The following CSF2RB variants were observed in gnomAD, a reference collection of about 807,000 sequenced individuals.
CSF2RB encodes cytokine receptor common subunit beta.
In CSF2RB, 22 loss-of-function variants were observed where a neutral mutation model predicts 67.2. The ratio of observed to expected loss-of-function variants is 0.33; its 90% CI spans 0.23 to 0.47. The LOEUF is 0.47. Ranked by LOEUF, CSF2RB falls within the 20% of genes least tolerant of loss-of-function variation. The pLI is 1.00. For synonymous variants in CSF2RB, 507 were observed against 482.9 expected, an observed-to-expected ratio of 1.05 and a Z score of -0.65; for missense variants, 1,113 against 1,174.5, an observed-to-expected ratio of 0.95 and a Z score of 0.76.
Position 36,935,734 on chromosome 22 carries a change from C to CTGT in CSF2RB, c.1464+47_1464+48insTGT, listed in dbSNP as rs1941253476. ...CGGAGTGGGGGCTTCTCTGTTCCTG[C>CTGT]CTCTCTTGTCTCTGTCCCCACCTCC... On this transcript the variant is annotated intron_variant, in intron 12 of 13. Coordinates refer to ENST00000403662, the MANE Select transcript of CSF2RB (RefSeq NM_000395.3). 2.5e-6 allele frequency: 4 copies of CTGT among 1,578,850 alleles called. No homozygotes were observed. In the African/African-American group the frequency reaches 5.4e-5, roughly 21 times the overall value.
chr22:36,916,610 C>A (rs6000483), intron 1 of CSF2RB, among the ~76,000 whole-genome samples: 3,574 of 152,204 alleles, frequency 0.023, 151 homozygotes, highest in African/African-American at 0.083. Flanking sequence ...ATAATCCCAG[C>A]ACTTTGGGAG....
Position 36,937,765 on chromosome 22 carries a change from G to C in CSF2RB, c.1957G>C (p.Glu653Gln). ...GGCGATGGGACCAGGACAGGCCGTG[G>C]AAGTGGAGAGAAGGCCGAGCCAGGG... The part of the protein sequence containing the change: ...AQAMGPGQAV[E>Q]VERRPSQGAA... The change falls in exon 14 of 14, where the codon GAA (glutamate) becomes CAA (glutamine). Residue 653 changes from glutamate to glutamine, a missense_variant. This residue lies in a region of CSF2RB where 554 missense variants were observed against 517.9 expected (regional missense o/e 1.07). Coordinates refer to ENST00000403662, the MANE Select transcript of CSF2RB (RefSeq NM_000395.3). This position sits in a 1 kb window ranked among gnomAD's most constrained non-coding sequence, Gnocchi z 4.6. The C allele has an allele frequency of 6.3e-7, 1 of 1,576,306 alleles. No individual in the cohort carries two copies. The highest frequency in any genetic ancestry group is 8.6e-7 in the Non-Finnish European group (1 of 1,160,830).
intron 1 of CSF2RB, among the ~76,000 whole-genome samples, chr22:36,915,178 G>A (rs1398672574): frequency 6.6e-6 from 1 of 152,024 alleles, no homozygotes; most frequent in Non-Finnish European, 1.5e-5. Context: ...TCTGCCTCCC[G>A]GGTTCAGGTG....
chr22:36,925,588 G>A (rs978356627), intron 3 of CSF2RB, among the ~76,000 whole-genome samples: 6 of 152,124 alleles, frequency 3.9e-5, no homozygotes, highest in African/African-American at 1.4e-4. Context: ...GCCTGTCCCA[G>A]GGCCTTTGCA....
At chr22:36,934,493 C>A (rs190525120) in intron 10 of CSF2RB, among the ~76,000 whole-genome samples, 2 of 152,342 alleles carry the variant, frequency 1.3e-5, no homozygotes, top group African/African-American at 2.4e-5. Context: ...TAATATGGCC[C>A]TTGGTTTCTT....
intron 4 of CSF2RB, among the ~76,000 whole-genome samples, chr22:36,928,009 G>A (rs1941061844): frequency 6.6e-6 from 1 of 152,202 alleles, no homozygotes; most frequent in South Asian, 2.1e-4. Flanking sequence ...AAACAAGGAA[G>A]GTTTCTAAGG....
chr22:36,939,015 C>T lies in CSF2RB; in HGVS notation c.*513C>T. 1.6e-6 allele frequency: 1 copy of T among 629,980 alleles called. No homozygotes were observed. Among genetic ancestry groups the T allele is most frequent in the Middle Eastern group, 3.8e-4 (1 of 2,624 alleles). The allele number at this position is 629,980 out of a possible 1,614,324, so 39.0% of individuals were successfully genotyped here. On this transcript the variant is annotated 3_prime_UTR_variant, in exon 14 of 14. Coordinates refer to ENST00000403662, the MANE Select transcript of CSF2RB (RefSeq NM_000395.3). ...GCAGAGGTGGGAGGCACCAGGTGGGCACCCGTGGGGGTTAGGGCTTGGAAG... is the reference window on the plus strand; with the variant it reads ...GCAGAGGTGGGAGGCACCAGGTGGGTACCCGTGGGGGTTAGGGCTTGGAAG...
rs752717504 is a variant in CSF2RB, at chr22:36,932,865, A to G, written c.1113A>G (p.Thr371=). Residue 371 remains threonine (T), a synonymous_variant, in exon 9 of 14, where the codon ACA becomes ACG. Coordinates refer to ENST00000403662, the MANE Select transcript of CSF2RB (RefSeq NM_000395.3). ...TGCGATACGAACACATAGACCACAC[A>G]TTTGAGATCCAGTACAGGAAAGACA... ...MKMRYEHIDH[T]FEIQYRKDTA... is the part of the protein sequence containing the mutation. The G allele has an allele frequency of 6.2e-7, 1 of 1,614,172 alleles. No homozygotes were observed. The highest frequency in any genetic ancestry group is 1.7e-5 in the Admixed American group (1 of 60,028).
intron 4 of CSF2RB, among the ~76,000 whole-genome samples, chr22:36,928,712 T>G (rs886946642): frequency 2.1e-4 from 32 of 152,188 alleles, no homozygotes; most frequent in African/African-American, 7.5e-4. Flanking sequence ...GCGTATTTGT[T>G]CATTCATTCA....
rs1396965250 is a variant in CSF2RB at position 36,930,453 on chromosome 22, A to C, written c.797A>C (p.Lys266Thr). The change falls in exon 7 of 14, where the codon AAG becomes ACG. Residue 266 changes from lysine (K) to threonine (T), a missense_variant. This residue lies in a region of CSF2RB where 559 missense variants were observed against 656.5 expected (regional missense o/e 0.85). Transcript: ENST00000403662. ...AVLSCSWEVR[K>T]EVASSVSFGL... is the part of the protein sequence containing the mutation. ...CTCAGCTGCTCCTGGGAGGTGAGGA[A>C]GGAGGTGGCCAGCTCGGTCTCCTTT... is the stretch of plus-strand genomic sequence containing the variant. 2 of 1,613,758 alleles carry C rather than the reference A, an allele frequency of 1.2e-6. No homozygotes were observed. Among genetic ancestry groups the C allele is most frequent in the Non-Finnish European group, 1.7e-6 (2 of 1,180,014 alleles).
intron 10 of CSF2RB, 98 bp from the exon 11 acceptor site, chr22:36,935,253 C>T (rs574087639): frequency 6.5e-5 from 70 of 1,075,128 alleles, no homozygotes; most frequent in African/African-American, 5.8e-4. Context: ...CTGCACAGAG[C>T]GGGGTCTTAA....
chr22:36,934,334 C>G (rs1941224136), intron 10 of CSF2RB, among the ~76,000 whole-genome samples: 1 of 152,188 alleles, frequency 6.6e-6, no homozygotes, highest in African/African-American at 2.4e-5. Context: ...AGACCCCACT[C>G]CACTCAGGCC....
Position 36,929,279 on chromosome 22 carries a change from G to T in CSF2RB, c.392-123G>T. 5 of 1,300,498 alleles carry T rather than the reference G, an allele frequency of 3.8e-6. No individual in the cohort carries two copies. The South Asian group carries it at 6.0e-5, about 16-fold the overall frequency. The allele number at this position is 1,300,498 out of a possible 1,614,324, so 80.6% of individuals were successfully genotyped here. A position where few individuals can be genotyped will look rare whatever the true frequency, so the allele number is the denominator to read the frequency against. ...ACAGAGGAGACGGGTCTTGCTCAAG[G>T]TCCCTCAGCTGCTGGGGGCAGGGGT... is the stretch of plus-strand genomic sequence containing the variant. On this transcript the variant is annotated intron_variant, in intron 4 of 13. Transcript: ENST00000403662.
chr22:36,936,192 C>T (rs1408678285), intron 12 of CSF2RB, among the ~76,000 whole-genome samples: 1 of 152,086 alleles, frequency 6.6e-6, no homozygotes, highest in Non-Finnish European at 1.5e-5. Context: ...GGGAAGACAC[C>T]AGCGTGTGGG....
rs773176695 is a variant in CSF2RB, at chr22:36,938,244, C to G, written c.2436C>G (p.Gly812=). The G allele has an allele frequency of 6.2e-7, 1 of 1,614,178 alleles. No homozygotes were observed. Among genetic ancestry groups the G allele is most frequent in the Admixed American group, 1.7e-5 (1 of 60,034 alleles). The change falls in exon 14 of 14, where the codon GGC becomes GGG. Residue 812 remains glycine (G), a synonymous_variant. Coordinates refer to ENST00000403662, the MANE Select transcript of CSF2RB (RefSeq NM_000395.3). ...CCCCAACATCCCCACAGCCCGAGGG[C>G]CTCCTTGTCCTGCAGCAAGTGGGCG... ...DVSPTSPQPE[G]LLVLQQVGDY...
chr22:36,926,155 C>T lies in CSF2RB; in HGVS notation c.369C>T (p.Leu123=). 1.2e-6 allele frequency: 2 copies of T among 1,614,156 alleles called. No homozygotes were observed. Among genetic ancestry groups the T allele is most frequent in the Non-Finnish European group, 1.7e-6 (2 of 1,180,046 alleles). Residue 123 remains leucine, a synonymous_variant, in exon 4 of 14, where the codon CTC becomes CTT. Coordinates refer to ENST00000403662, the MANE Select transcript of CSF2RB (RefSeq NM_000395.3). The part of the protein sequence containing the change: ...FQPDRPLGTR[L]TVTLTQHVQP... Reference sequence around the variant, plus strand: ...CAGACAGGCCTCTGGGCACCCGGCTCACCGTCACTCTGACCCAGCATGGTG... The same window carrying T: ...CAGACAGGCCTCTGGGCACCCGGCTTACCGTCACTCTGACCCAGCATGGTG...
intron 1 of CSF2RB, among the ~76,000 whole-genome samples, chr22:36,917,849 G>A (rs142860838): frequency 0.014 from 2,134 of 152,136 alleles, 60 homozygotes; most frequent in African/African-American, 0.049. Flanking sequence ...CTTGAACCCC[G>A]GAGGCAGAGA....
intron 10 of CSF2RB, 101 bp from the exon 11 acceptor site, chr22:36,935,250 G>C: frequency 9.4e-7 from 1 of 1,064,128 alleles, no homozygotes; most frequent in South Asian, 1.3e-5. Flanking sequence ...GGCCTGCACA[G>C]AGCGGGGTCT....
chr22:36,915,104 G>A (rs1940688170), intron 1 of CSF2RB, among the ~76,000 whole-genome samples: 1 of 151,952 alleles, frequency 6.6e-6, no homozygotes. Flanking sequence ...TTGTTTTTGT[G>A]ACAGAGTTTT....
Sources: gnomAD v4.1 joint callset for allele counts (sites outside exome capture counted in the v4.1 genomes callset) on GRCh38, gnomAD v4.1.1 for gene constraint, gnomAD v4.1.1 regional missense constraint, Gnocchi (gnomAD v3.1) non-coding constraint, MANE v1.5 for transcripts, NCBI Gene and HGNC (gene_info 2026-07-23, HGNC 2026-07-21) for gene names.